TBX18: variants seen among roughly 807,000 people sequenced by gnomAD.
TBX18 encodes T-box transcription factor 18.
In TBX18, 21 loss-of-function variants were observed where a neutral mutation model predicts 55.0. That is an observed-to-expected ratio of 0.38 (90% CI 0.27 to 0.55). The LOEUF (loss-of-function observed/expected upper bound fraction) is 0.55, where lower values mean the gene tolerates loss of function less well. Among genes scored for constraint, TBX18 ranks in the 20% least tolerant of loss-of-function variants. TBX18 has a pLI of 0.73. For missense variants in TBX18, 840 were observed against 799.6 expected (o/e 1.05, Z -0.61); for synonymous variants, 342 against 326.1 (o/e 1.05, Z -0.53).
chr6:84,760,261 C>T lies in TBX18; in HGVS notation c.593G>A (p.Arg198Lys). Residue 198 changes from arginine to lysine, a missense_variant, in exon 3 of 8, where the codon AGA (arginine) becomes AAA (lysine). By Grantham distance (26) the Arg-to-Lys change is conservative. Transcript: ENST00000369663. The stretch of plus-strand genomic sequence containing the variant: ...CAGTATCTAATCACTGTACCTGTAT[C>T]TTTTGTTGTCCACTGGTACAATATC... The part of the protein sequence containing the change: ...AMDIVPVDNK[R>K]YRYVYHSSKW... 1 of 1,582,466 alleles carries T rather than the reference C, an allele frequency of 6.3e-7. No homozygotes were observed. Among genetic ancestry groups the T allele is most frequent in the South Asian group, 1.2e-5 (1 of 86,240 alleles).
intron 4 of TBX18, among the ~76,000 whole-genome samples, chr6:84,749,181 T>G (rs1173500649): frequency 6.6e-6 from 1 of 152,222 alleles, no homozygotes; most frequent in Non-Finnish European, 1.5e-5. Flanking sequence ...TTCTGTTTGC[T>G]GCTGGGATTC....
rs560810763 is a variant in TBX18 at position 84,751,179 on chromosome 6, T to C, written c.772-3092A>G. 6.6e-5 allele frequency among the ~76,000 whole-genome samples: 10 copies of C among 152,360 alleles called. No individual in the cohort carries two copies. In the South Asian group the frequency reaches 2.1e-3, roughly 32 times the overall value. On this transcript the variant is annotated intron_variant, in intron 4 of 7. Coordinates refer to ENST00000369663, the MANE Select transcript of TBX18 (RefSeq NM_001080508.3). ...TAAATGCATAGCTAATTTCAGAAGA[T>C]TGGACTGAGTTGTAATTAAAGAAAC...
chr6:84,760,994 TG>T (rs1261704336), intron 2 of TBX18, among the ~76,000 whole-genome samples: 1 of 152,166 alleles, frequency 6.6e-6, no homozygotes, highest in Non-Finnish European at 1.5e-5. Flanking sequence ...ACCATGAAAA[TG>T]TTTTCTTACT....
intron 5 of TBX18, 70 bp downstream of exon 5, chr6:84,747,847 GAGA>G (rs1202090221): frequency 7.2e-7 from 1 of 1,388,832 alleles, no homozygotes; most frequent in African/African-American, 1.4e-5. Context: ...TATTTAGAGT[GAGA>G]AGGATAGCTA....
chr6:84,751,282 A>T (rs1767341670), intron 4 of TBX18, among the ~76,000 whole-genome samples: 1 of 152,174 alleles, frequency 6.6e-6, no homozygotes, highest in Non-Finnish European at 1.5e-5. Flanking sequence ...TCTCAAGGAG[A>T]TTTCTCCATA....
rs911334684 is a variant in TBX18, at chr6:84,734,222, A to G, written c.*2463T>C. 3.9e-5 allele frequency: 6 copies of G among 152,100 alleles called. No individual in the cohort carries two copies. Among genetic ancestry groups the G allele is most frequent in the African/African-American group, 1.4e-4 (6 of 41,404 alleles). The allele number at this position is 152,100 out of a possible 1,614,324, so 9.4% of individuals were successfully genotyped here. A position where few individuals can be genotyped will look rare whatever the true frequency, so the allele number is the denominator to read the frequency against. ...CCCCATCCCTTTCCTCTCACATTCA[A>G]ATTTTCATGTGTTCAACATTTGTCA... On this transcript the variant is annotated 3_prime_UTR_variant, in exon 8 of 8. Coordinates refer to ENST00000369663, the MANE Select transcript of TBX18 (RefSeq NM_001080508.3).
At chr6:84,751,042 C>CA (rs1423514445) in intron 4 of TBX18, among the ~76,000 whole-genome samples, 3 of 152,094 alleles carry the variant, frequency 2.0e-5, no homozygotes, top group Admixed American at 6.6e-5. Context: ...CAACAAGGGA[C>CA]AAAACAATGA....
In TBX18 at chr6:84,736,469, G is replaced by A. The variant is rs1773945756; in HGVS notation, c.*216C>T. ...CTGGATGAAACAGGGGAACAATAGG[G>A]GCCGTGATACTCCATGTGCTATGTA... On this transcript the variant is annotated 3_prime_UTR_variant, in exon 8 of 8. Transcript: ENST00000369663. The A allele has an allele frequency of 7.6e-6, 3 of 395,904 alleles. No individual in the cohort carries two copies. In the South Asian group the frequency reaches 3.3e-4, roughly 44 times the overall value. The allele number at this position is 395,904 out of a possible 1,614,324, so 24.5% of individuals were successfully genotyped here.
At position 84,764,527 on chromosome 6, in the gene TBX18, T is replaced by C. The variant is rs1294281422; in HGVS notation, c.-346A>G. 1 of 256,836 alleles carries C rather than the reference T, an allele frequency of 3.9e-6. No individual in the cohort carries two copies. Among genetic ancestry groups the C allele is most frequent in the Admixed American group, 5.5e-5 (1 of 18,156 alleles). The allele number at this position is 256,836 out of a possible 1,614,324, so 15.9% of individuals were successfully genotyped here. ...ACTAACATGGGTAAAAAACACTCTG[T>C]GGACACAAATTAGGGATTGTAATTG... On this transcript the variant is annotated 5_prime_UTR_variant, in exon 1 of 8. Coordinates refer to ENST00000369663, the MANE Select transcript of TBX18 (RefSeq NM_001080508.3).
intron 6 of TBX18, among the ~76,000 whole-genome samples, chr6:84,740,128 G>A (rs958637627): frequency 6.6e-6 from 1 of 152,206 alleles, no homozygotes; most frequent in Non-Finnish European, 1.5e-5. Context: ...TGCAGCCCCA[G>A]AGGGGATAGT....
intron 4 of TBX18, among the ~76,000 whole-genome samples, chr6:84,755,938 T>C (rs1410677116): frequency 6.6e-6 from 1 of 152,244 alleles, no homozygotes; most frequent in Non-Finnish European, 1.5e-5. Flanking sequence ...ATTTCTTTTA[T>C]GTATGATATA....
In TBX18 at chr6:84,743,613, TAG is replaced by T. The variant is rs199750005; in HGVS notation, c.1004+646_1004+647del. ...AATGTTGTACTGAACTATATTGGAG[TAG>T]AGTCATATCAATAAATTCAAAAACC... On this transcript the variant is annotated intron_variant, in intron 6 of 7. Coordinates refer to ENST00000369663, the MANE Select transcript of TBX18 (RefSeq NM_001080508.3). 4.0e-3 allele frequency among the ~76,000 whole-genome samples: 604 copies of T among 152,288 alleles called. 3 individuals are homozygous for T. Among genetic ancestry groups the T allele is most frequent in the African/African-American group, 0.011 (454 of 41,554 alleles).
intron 5 of TBX18, among the ~76,000 whole-genome samples, chr6:84,747,452 C>G (rs1767226640): frequency 6.6e-6 from 1 of 152,182 alleles, no homozygotes; most frequent in African/African-American, 2.4e-5. Context: ...TTATCATCCT[C>G]TATCACAATT....
At chr6:84,761,779 G>C (rs967255316) in intron 2 of TBX18, among the ~76,000 whole-genome samples, 1 of 152,128 alleles carries the variant, frequency 6.6e-6, no homozygotes, top group Non-Finnish European at 1.5e-5. Context: ...CTAACCAATG[G>C]ATGGGAAAAT....
chr6:84,759,130 T>C (rs1281261956), intron 3 of TBX18, among the ~76,000 whole-genome samples: 1 of 152,202 alleles, frequency 6.6e-6, no homozygotes, highest in Non-Finnish European at 1.5e-5. Flanking sequence ...TAATGTTTTC[T>C]AGCTTCTGTC....
At position 84,764,073 on chromosome 6, in the gene TBX18, T is replaced by G; in HGVS notation, c.109A>C (p.Lys37Gln). 2 of 1,580,278 alleles carry G rather than the reference T, an allele frequency of 1.3e-6. No homozygotes were observed. The highest frequency in any genetic ancestry group is 1.7e-6 in the Non-Finnish European group (2 of 1,167,332). ...TCTTCGGCGCCCAGTTTTCGCCGCT[T>G]CTTCTGAAGCTGTTGCTGCTTCTCG... ...GAEKQQQLQK[K>Q]RRKLGAEEAA... Residue 37 changes from lysine (K) to glutamine (Q), a missense_variant, in exon 1 of 8, where the codon AAG becomes CAG. Transcript: ENST00000369663.
In TBX18 at chr6:84,764,141, C is replaced by G; in HGVS notation, c.41G>C (p.Ser14Thr). 1.3e-6 allele frequency: 2 copies of G among 1,561,732 alleles called. No homozygotes were observed. ...KRRGSPCSML[S>T]LKAHAFSVEA... is the part of the protein sequence containing the mutation. ...CACCGAGAAAGCGTGCGCCTTGAGG[C>G]TTAGCATGCTGCACGGCGAGCCCCT... is the stretch of plus-strand genomic sequence containing the variant. The change falls in exon 1 of 8, where the codon AGC becomes ACC. Residue 14 changes from serine to threonine, a missense_variant. Ser to Thr is a moderately conservative substitution (Grantham distance 58). Transcript: ENST00000369663.
intron 4 of TBX18, 51 bp from the exon 5 acceptor site, chr6:84,748,138 C>A: frequency 7.1e-7 from 1 of 1,412,746 alleles, no homozygotes; most frequent in Non-Finnish European, 9.7e-7. Context: ...TGCCCAACCT[C>A]AACAACCTGA....
Position 84,735,457 on chromosome 6 carries a change from AGTAATGG to A in TBX18, c.*1221_*1227del, listed in dbSNP as rs979303760. The A allele has an allele frequency of 1.3e-5, 2 of 152,194 alleles. No individual in the cohort carries two copies. Among genetic ancestry groups the A allele is most frequent in the African/African-American group, 4.8e-5 (2 of 41,442 alleles). 9.4% of individuals were successfully genotyped at this position (152,194 alleles called of 1,614,324 possible). ...CTTAGTCCTCCAAGAGGGTCTTTAT[AGTAATGG>A]GCTTTGGCCTTTGCACTATAGCTCC... On this transcript the variant is annotated 3_prime_UTR_variant, in exon 8 of 8. Coordinates refer to ENST00000369663, the MANE Select transcript of TBX18 (RefSeq NM_001080508.3).
Sources: allele counts gnomAD v4.1 joint callset (sites outside exome capture counted in the v4.1 genomes callset), GRCh38; gene constraint gnomAD v4.1.1; transcripts MANE v1.5; gene names NCBI Gene and HGNC (gene_info 2026-07-23, HGNC 2026-07-21).